ZFHX4: variants seen among roughly 807,000 people sequenced by gnomAD.
ZFHX4 encodes zinc finger homeobox 4, also known as zinc finger homeobox protein 4.
In ZFHX4, 56 loss-of-function variants were observed where a neutral mutation model predicts 267.6. The ratio of observed to expected loss-of-function variants is 0.21; its 90% CI spans 0.17 to 0.26. The LOEUF (loss-of-function observed/expected upper bound fraction) is 0.26, where lower values mean the gene tolerates loss of function less well. Ranked by LOEUF, ZFHX4 falls within the 10% of genes least tolerant of loss-of-function variation. The probability of loss-of-function intolerance (pLI) is 1.00; values close to 1 mark genes in which losing one functional copy is unlikely to be tolerated. For missense variants in ZFHX4, 4,332 were observed against 4,420.0 expected (o/e 0.98, Z 0.56); for synonymous variants, 1,778 against 1,665.6 (o/e 1.07, Z -1.64).
In ZFHX4 at chr8:76,849,563, C is replaced by A; in HGVS notation, c.3697C>A (p.Gln1233Lys). The change falls in exon 8 of 11, where the codon CAG becomes AAG. Residue 1233 changes from glutamine (Q) to lysine (K), a missense_variant. Around this residue, in one of 7 missense-constraint regions of ZFHX4, gnomAD observed 1,371 missense variants for 1,423.1 expected, o/e 0.96. Coordinates refer to ENST00000651372, the MANE Select transcript of ZFHX4 (RefSeq NM_024721.5). ...NYNSRDQSRI[Q>K]MHVLSQHSVQ... Reference sequence around the variant, plus strand: ...CAATAGTAGGGACCAAAGTCGTATCCAGATGCACGTCCTATCACAGCACTC... The same window carrying A: ...CAATAGTAGGGACCAAAGTCGTATCAAGATGCACGTCCTATCACAGCACTC... The A allele has an allele frequency of 6.2e-7, 1 of 1,613,960 alleles. No individual in the cohort carries two copies. The highest frequency in any genetic ancestry group is 8.5e-7 in the Non-Finnish European group (1 of 1,179,874).
chr8:76,759,014 C>A (rs1161640760), intron 3 of ZFHX4, among the ~76,000 whole-genome samples: 1 of 151,484 alleles, frequency 6.6e-6, no homozygotes, highest in Non-Finnish European at 1.5e-5. Context: ...AAATATTTTC[C>A]ACAAAATAAA....
intron 3 of ZFHX4, among the ~76,000 whole-genome samples, chr8:76,756,799 T>G (rs1004173803): frequency 1.5e-4 from 23 of 152,190 alleles, no homozygotes; most frequent in African/African-American, 5.3e-4. Context: ...CCTTATTGCA[T>G]GCATATTTCT....
chr8:76,705,795 C>T lies in ZFHX4; in HGVS notation c.1707C>T (p.Ala569=). 3 of 1,613,888 alleles carry T rather than the reference C, an allele frequency of 1.9e-6. No homozygotes were observed. Among genetic ancestry groups the T allele is most frequent in the Non-Finnish European group, 2.5e-6 (3 of 1,179,852 alleles). The change falls in exon 2 of 11, where the codon GCC becomes GCT. Residue 569 remains alanine (A), a synonymous_variant. Coordinates refer to ENST00000651372, the MANE Select transcript of ZFHX4 (RefSeq NM_024721.5). ...ACGCAAGTGCCAGTAAAGACAGTGC[C>T]ACAGCTGCTCATCCAAGTGAAATAG... ...FADASASKDS[A]TAAHPSEIAR... is the part of the protein sequence containing the mutation.
At chr8:76,714,286 CAT>C (rs1388944261) in intron 3 of ZFHX4, among the ~76,000 whole-genome samples, 1 of 152,136 alleles carries the variant, frequency 6.6e-6, no homozygotes, top group Non-Finnish European at 1.5e-5. Context: ...CAGTGAAAGT[CAT>C]ATGTTAACCA....
chr8:76,859,240 C>G (rs1400194030), intron 10 of ZFHX4, among the ~76,000 whole-genome samples: 2 of 152,126 alleles, frequency 1.3e-5, no homozygotes, highest in African/African-American at 4.8e-5. Flanking sequence ...TAAGAAGGCC[C>G]TTTCAAGGGT....
chr8:76,833,315 T>C, intron 4 of ZFHX4, 23 bp from the exon 5 acceptor site: 1 of 1,603,800 alleles, frequency 6.2e-7, no homozygotes, highest in South Asian at 1.1e-5. Context: ...GCTGATTACC[T>C]TTCACTCTGA....
intron 4 of ZFHX4, among the ~76,000 whole-genome samples, chr8:76,825,857 A>T (rs1035383662): frequency 6.6e-6 from 1 of 152,236 alleles, no homozygotes; most frequent in Non-Finnish European, 1.5e-5. Context: ...GGCACCTATC[A>T]TCACAGGTCT....
At position 76,805,589 on chromosome 8, in the gene ZFHX4, G is replaced by C. The variant is rs1248809577; in HGVS notation, c.3325+27150G>C. 5.4e-5 allele frequency among the ~76,000 whole-genome samples: 8 copies of C among 149,158 alleles called. No individual in the cohort carries two copies. In the East Asian group the frequency reaches 1.4e-3, roughly 25 times the overall value. On this transcript the variant is annotated intron_variant, in intron 4 of 10. Transcript: ENST00000651372. ...TGTCCTTGGTGTGAATGACACTTAG[G>C]CTTTTTTTTTTTTTTGTAGTCAGAG...
chr8:76,779,830 G>A (rs560350243), intron 4 of ZFHX4, among the ~76,000 whole-genome samples: 13 of 152,124 alleles, frequency 8.5e-5, no homozygotes, highest in African/African-American at 1.9e-4. Context: ...TCATATGTGC[G>A]TTTTAGTTTT....
At chr8:76,800,119 G>T (rs1471297643) in intron 4 of ZFHX4, among the ~76,000 whole-genome samples, 1 of 151,900 alleles carries the variant, frequency 6.6e-6, no homozygotes, top group East Asian at 1.9e-4. Context: ...GGAAGGGGAG[G>T]CTCCTCCCAA....
In ZFHX4 at chr8:76,705,906, C is replaced by T. The variant is rs1317858046; in HGVS notation, c.1818C>T (p.Asp606=). The T allele has an allele frequency of 8.1e-6, 13 of 1,613,518 alleles. No individual in the cohort carries two copies. The highest frequency in any genetic ancestry group is 4.5e-5 in the East Asian group (2 of 44,836). ...STPGTPGPGG[D]GSPGSGIECP... ...CTGGCACACCAGGGCCTGGAGGAGA[C>T]GGCTCACCGGGCAGTGGCATCGAGT... Residue 606 remains aspartate, a synonymous_variant, in exon 2 of 11, where the codon GAC becomes GAT. Coordinates refer to ENST00000651372, the MANE Select transcript of ZFHX4 (RefSeq NM_024721.5).
intron 3 of ZFHX4, among the ~76,000 whole-genome samples, chr8:76,765,060 A>G (rs1810016899): frequency 6.6e-6 from 1 of 152,166 alleles, no homozygotes; most frequent in Middle Eastern, 3.2e-3. Context: ...AAGTCAAGGA[A>G]GCTCAACATA....
intron 9 of ZFHX4, 93 bp from the exon 10 acceptor site, chr8:76,850,793 A>G (rs1173559900): frequency 7.6e-7 from 1 of 1,317,814 alleles, no homozygotes. Context: ...AATTAAGCAG[A>G]AGCCTTTAGA....
At position 76,706,585 on chromosome 8, in the gene ZFHX4, G is replaced by A. The variant is rs1389952483; in HGVS notation, c.2497G>A (p.Gly833Arg). 6 of 1,610,312 alleles carry A rather than the reference G, an allele frequency of 3.7e-6. No homozygotes were observed. Among genetic ancestry groups the A allele is most frequent in the Non-Finnish European group, 5.1e-6 (6 of 1,178,450 alleles). The change falls in exon 2 of 11, where the codon GGA becomes AGA. Residue 833 changes from glycine to arginine, a missense_variant. Gly to Arg is a moderately radical substitution (Grantham distance 125). This residue lies in a region of ZFHX4 where 1,195 missense variants were observed against 1,173.6 expected (regional missense o/e 1.02). Transcript: ENST00000651372. Reference sequence around the variant, plus strand: ...CCTAGCCCAGAACATAGGCCTGACCGGAATGAAGCTGGAAAACCCTGCCGA... The same window carrying A: ...CCTAGCCCAGAACATAGGCCTGACCAGAATGAAGCTGGAAAACCCTGCCGA... Reference protein sequence around the residue: ...YYLAQNIGLTGMKLENPADPQ... With the variant: ...YYLAQNIGLTRMKLENPADPQ...
At chr8:76,792,285 A>G (rs753854191) in intron 4 of ZFHX4, among the ~76,000 whole-genome samples, 5 of 152,168 alleles carry the variant, frequency 3.3e-5, no homozygotes, top group Non-Finnish European at 7.4e-5. Flanking sequence ...AAAAAAAGCA[A>G]GGAACAGATT....
intron 4 of ZFHX4, among the ~76,000 whole-genome samples, chr8:76,830,559 T>G (rs907316748): frequency 6.6e-6 from 1 of 152,212 alleles, no homozygotes; most frequent in African/African-American, 2.4e-5. Context: ...CATTTCATTT[T>G]GTAAGTCAAA....
At chr8:76,860,887 A>T (rs902375388) in intron 10 of ZFHX4, among the ~76,000 whole-genome samples, 7 of 152,154 alleles carry the variant, frequency 4.6e-5, no homozygotes, top group African/African-American at 1.7e-4. Flanking sequence ...TCATTTCTTC[A>T]GTTCTTTCTT....
At chr8:76,822,007 G>T (rs1449881018) in intron 4 of ZFHX4, among the ~76,000 whole-genome samples, 1 of 151,640 alleles carries the variant, frequency 6.6e-6, no homozygotes, top group African/African-American at 2.4e-5. Context: ...TTCTGCCCCT[G>T]TCTCTCCACA....
chr8:76,723,802 T>C (rs1469024922), intron 3 of ZFHX4, among the ~76,000 whole-genome samples: 1 of 152,016 alleles, frequency 6.6e-6, no homozygotes, highest in Non-Finnish European at 1.5e-5. Context: ...ACGTGGAACA[T>C]TTGTGTCGTC....
Sources: gnomAD v4.1 joint callset for allele counts (sites outside exome capture counted in the v4.1 genomes callset) on GRCh38, gnomAD v4.1.1 for gene constraint, gnomAD v4.1.1 regional missense constraint, MANE v1.5 for transcripts, NCBI Gene and HGNC (gene_info 2026-07-23, HGNC 2026-07-21) for gene names.